GLRA2: variants seen among roughly 807,000 people sequenced by gnomAD.
The protein encoded by GLRA2 is glycine receptor alpha 2.
GLRA2 carries 11 observed loss-of-function variants against 31.6 expected under a neutral mutation model. The ratio of observed to expected loss-of-function variants is 0.35; its 90% CI spans 0.22 to 0.58. GLRA2 has a LOEUF of 0.58. GLRA2 is among the 20% of genes least tolerant of loss of function. The pLI, the probability that GLRA2 is intolerant of heterozygous loss-of-function variation, is 0.84. For missense variants in GLRA2, 212 were observed against 351.8 expected (o/e 0.60, Z 3.18); for synonymous variants, 132 against 134.0 (o/e 0.99, Z 0.10).
the GLRA2 span, among the ~76,000 whole-genome samples, chrX:14,487,570 G>A: frequency 9.0e-6 from 1 of 111,168 alleles, no homozygotes; most frequent in African/African-American, 3.3e-5. Flanking sequence ...GCCAGCATGA[G>A]CCTGATTATT....
chrX:14,486,079 A>G, the GLRA2 span, among the ~76,000 whole-genome samples: 4 of 111,706 alleles, frequency 3.6e-5, no homozygotes, highest in Non-Finnish European at 3.8e-5. Flanking sequence ...CTAGTGGGAA[A>G]AAAGAGAGGG....
intron 3 of GLRA2, among the ~76,000 whole-genome samples, chrX:14,577,844 C>T (rs1422643918): frequency 4.5e-5 from 5 of 111,493 alleles, no homozygotes; most frequent in South Asian, 3.8e-4. Context: ...TTTACCATAC[C>T]GCTAAGATTT....
the GLRA2 span, among the ~76,000 whole-genome samples, chrX:14,497,318 C>G: frequency 8.9e-6 from 1 of 111,751 alleles, no homozygotes; most frequent in Non-Finnish European, 1.9e-5. Context: ...GATTTCAAAA[C>G]GAGAAAGCAA....
At chrX:14,564,433 C>T (rs947813466) in intron 2 of GLRA2, among the ~76,000 whole-genome samples, 1 of 111,186 alleles carries the variant, frequency 9.0e-6, no homozygotes. Context: ...AGTTCATTAC[C>T]ACTTGGCCTA....
At chrX:14,628,402 C>T (rs961552044) in intron 7 of GLRA2, among the ~76,000 whole-genome samples, 1 of 111,402 alleles carries the variant, frequency 9.0e-6, no homozygotes, top group East Asian at 2.8e-4. Context: ...CTATCCTAAG[C>T]TTCTAGAGCC....
intron 4 of GLRA2, among the ~76,000 whole-genome samples, chrX:14,597,626 C>T (rs1021155584): frequency 9.0e-5 from 10 of 111,408 alleles, no homozygotes; most frequent in African/African-American, 3.3e-4. Context: ...AAAGGGGTAT[C>T]CCTGAGCAGG....
intron 7 of GLRA2, among the ~76,000 whole-genome samples, chrX:14,687,187 G>A (rs1381651319): frequency 8.9e-6 from 1 of 112,115 alleles, no homozygotes; most frequent in Non-Finnish European, 1.9e-5. Flanking sequence ...TTAGTCTGAT[G>A]GGCTTCCCTT....
At chrX:14,711,335 T>C (rs1195347922) in intron 8 of GLRA2, among the ~76,000 whole-genome samples, 1 of 112,460 alleles carries the variant, frequency 8.9e-6, no homozygotes, top group African/African-American at 3.2e-5. Flanking sequence ...CAACTGTTTA[T>C]AAATTGGAAT....
At chrX:14,623,298 G>A (rs1327856635) in intron 7 of GLRA2, among the ~76,000 whole-genome samples, 1 of 111,453 alleles carries the variant, frequency 9.0e-6, no homozygotes, top group African/African-American at 3.3e-5. Flanking sequence ...TCTGCAAACA[G>A]GGACAATTTG....
chrX:14,722,222 T>C (rs970063855), intron 8 of GLRA2, among the ~76,000 whole-genome samples: 2 of 111,951 alleles, frequency 1.8e-5, no homozygotes, highest in Non-Finnish European at 3.8e-5. Context: ...GTTCGGGGTC[T>C]CTCCTCTTGG....
At chrX:14,715,569 T>A (rs1197972245) in intron 8 of GLRA2, among the ~76,000 whole-genome samples, 1 of 111,388 alleles carries the variant, frequency 9.0e-6, no homozygotes, top group Non-Finnish European at 1.9e-5. Flanking sequence ...TATGGAGACA[T>A]GTACTACAGG....
At chrX:14,501,332 A>G in the GLRA2 span, among the ~76,000 whole-genome samples, 141 of 112,258 alleles carry the variant, frequency 1.3e-3, no homozygotes, top group Middle Eastern at 4.6e-3. Context: ...TGGGCTACGC[A>G]TCCATAAAAT....
rs754073472 is a variant in GLRA2, at chrX:14,669,353, T to C, written c.931-21357T>C. Among the ~76,000 whole-genome samples the C allele has an allele frequency of 1.2e-4, 13 of 111,816 alleles. No individual in the cohort carries two copies. The Admixed American group carries it at 1.2e-3, about 11-fold the overall frequency. ...CAAGCTGTCAGTGGAGCTATCATTC[T>C]GGGGTCGGAAGGACGGTGGCCCTCT... On this transcript the variant is annotated intron_variant, in intron 7 of 8. Transcript: ENST00000218075.
rs1223591441 is a variant in GLRA2, at chrX:14,662,735, A to G, written c.931-27975A>G. On this transcript the variant is annotated intron_variant, in intron 7 of 8. Coordinates refer to ENST00000218075, the MANE Select transcript of GLRA2 (RefSeq NM_002063.4). ...AACAATTTATATATTTATTACCAAC[A>G]CATTACAGTTACAAAGTTAACTTAT... Among the ~76,000 whole-genome samples, 10 of 111,873 alleles carry G rather than the reference A, an allele frequency of 8.9e-5. No individual in the cohort carries two copies. The Admixed American group carries it at 9.5e-4, about 11-fold the overall frequency.
At chrX:14,699,389 G>T (rs907914487) in intron 8 of GLRA2, among the ~76,000 whole-genome samples, 18 of 112,071 alleles carry the variant, frequency 1.6e-4, no homozygotes, top group African/African-American at 5.5e-4. Context: ...TGAGAACATG[G>T]TTATGGCATG....
chrX:14,529,981 C>T lies in GLRA2; in HGVS notation c.-77C>T. On this transcript the variant is annotated 5_prime_UTR_variant, in exon 1 of 9. It introduces an in-frame stop codon into an upstream open reading frame of the 5' UTR. Transcript: ENST00000218075. ...GTTCCTGCCAAATTTTGAATCTGGA[C>T]AATAAACAGACACTTTGTCCTAGCA... 1 of 776,552 alleles carries T rather than the reference C, an allele frequency of 1.3e-6. No individual in the cohort carries two copies. The highest frequency in any genetic ancestry group is 2.0e-6 in the Non-Finnish European group (1 of 498,976). The allele number at this position is 776,552 out of a possible 1,213,427, so 64.0% of individuals were successfully genotyped here.
At chrX:14,485,577 G>T in the GLRA2 span, among the ~76,000 whole-genome samples, 45 of 111,405 alleles carry the variant, frequency 4.0e-4, no homozygotes, top group Non-Finnish European at 3.8e-5. Context: ...ATCTCATATA[G>T]TTGCCCTTTT....
chrX:14,525,732 C>T (rs775094438), upstream of GLRA2, among the ~76,000 whole-genome samples: 7 of 111,483 alleles, frequency 6.3e-5, no homozygotes, highest in South Asian at 1.5e-3. Context: ...TAGACTGCTG[C>T]GCCACTGAAC....
chrX:14,604,258 A>G, intron 4 of GLRA2, 57 bp from the exon 5 acceptor site: 1 of 698,231 alleles, frequency 1.4e-6, no homozygotes, highest in Non-Finnish European at 2.2e-6. Context: ...TTTGTTTCTC[A>G]ACAACTGGAC....
Sources: gnomAD v4.1 joint callset for allele counts (sites outside exome capture counted in the v4.1 genomes callset) on GRCh38, gnomAD v4.1.1 for gene constraint, MANE v1.5 for transcripts, NCBI Gene and HGNC (gene_info 2026-07-23, HGNC 2026-07-21) for gene names.